OVOL2: variants seen among roughly 807,000 people sequenced by gnomAD.
OVOL2 encodes transcription factor Ovo-like 2.
A neutral mutation model predicts 18.1 loss-of-function variants in OVOL2; 13 were observed. The observed-to-expected ratio is 0.72, with a 90% CI of 0.47 to 1.14. OVOL2 has a LOEUF of 1.14. Among genes scored for constraint, OVOL2 ranks in the 50% most tolerant of loss-of-function variants. The pLI is 0.00. For synonymous variants in OVOL2, 166 were observed against 162.7 expected (o/e 1.02, Z -0.16); for missense variants, 335 against 383.0 (o/e 0.87, Z 1.05).
Position 18,056,517 on chromosome 20 carries a change from T to TGCAGGA in OVOL2, c.321+134_321+139dup. On this transcript the variant is annotated intron_variant, in intron 2 of 3. Coordinates refer to ENST00000278780, the MANE Select transcript of OVOL2 (RefSeq NM_021220.4). The surrounding 1 kb of genome is among the most constrained non-coding windows in gnomAD (Gnocchi z 4.2). ...GCCCTGGCCGCCGCCCAGGGGCAGGTGCAGGAGCGGCGCGGCGGGCGCGCT... is the reference window on the plus strand; with the variant it reads ...GCCCTGGCCGCCGCCCAGGGGCAGGTGCAGGAGCAGGAGCGGCGCGGCGGGCGCGCT... 1 of 1,008,466 alleles carries TGCAGGA rather than the reference T, an allele frequency of 9.9e-7. No individual in the cohort carries two copies. The highest frequency in any genetic ancestry group is 1.2e-6 in the Non-Finnish European group (1 of 845,540). 62.5% of individuals were successfully genotyped at this position (1,008,466 alleles called of 1,614,324 possible).
chr20:18,033,442 G>A (rs933247650), intron 3 of OVOL2, among the ~76,000 whole-genome samples: 3 of 152,168 alleles, frequency 2.0e-5, no homozygotes, highest in African/African-American at 2.4e-5. Flanking sequence ...CCTGGGCCAC[G>A]TGGCTCCCTG....
At chr20:18,036,183 C>T (rs1049264952) in intron 3 of OVOL2, among the ~76,000 whole-genome samples, 3 of 152,012 alleles carry the variant, frequency 2.0e-5, no homozygotes, top group African/African-American at 7.2e-5. Flanking sequence ...ATCCCAGCTA[C>T]TCAGGAGGCT....
intron 3 of OVOL2, among the ~76,000 whole-genome samples, chr20:18,039,619 A>G (rs975529603): frequency 1.5e-5 from 2 of 136,498 alleles, no homozygotes; most frequent in Non-Finnish European, 3.1e-5. Flanking sequence ...AAAAAAAAAA[A>G]AAAGAAAGAA....
intron 2 of OVOL2, among the ~76,000 whole-genome samples, chr20:18,055,008 A>C (rs1278010593): frequency 6.6e-6 from 1 of 152,220 alleles, no homozygotes; most frequent in African/African-American, 2.4e-5. Context: ...GGGAACCTAA[A>C]CATCCCCAGT....
Position 18,056,934 on chromosome 20 carries a change from G to A in OVOL2, c.101-57C>T. On this transcript the variant is annotated intron_variant, in intron 1 of 3. Coordinates refer to ENST00000278780, the MANE Select transcript of OVOL2 (RefSeq NM_021220.4). This position sits in a 1 kb window ranked among gnomAD's most constrained non-coding sequence, Gnocchi z 4.2. ...ACACTCGGCGTCAACCCGCACGCCC[G>A]CGGCAGTTTGACCTGCGGGCGGTGC... The A allele has an allele frequency of 1.4e-6, 2 of 1,420,064 alleles. No homozygotes were observed. Among genetic ancestry groups the A allele is most frequent in the African/African-American group, 3.0e-5 (2 of 66,590 alleles). The allele number at this position is 1,420,064 out of a possible 1,614,324, so 88.0% of individuals were successfully genotyped here. A position where few individuals can be genotyped will look rare whatever the true frequency, so the allele number is the denominator to read the frequency against.
At chr20:18,027,399 A>G (rs1158655479) in intron 3 of OVOL2, among the ~76,000 whole-genome samples, 1 of 151,902 alleles carries the variant, frequency 6.6e-6, no homozygotes, top group Non-Finnish European at 1.5e-5. Flanking sequence ...ATCATGGCAC[A>G]TGCCTGTAAT....
intron 3 of OVOL2, among the ~76,000 whole-genome samples, chr20:18,040,072 G>A (rs1051952349): frequency 1.3e-5 from 2 of 152,018 alleles, no homozygotes; most frequent in Non-Finnish European, 2.9e-5. Flanking sequence ...CTATAGGCAC[G>A]CACCACCACG....
At chr20:18,042,266 C>A (rs1336801575) in intron 2 of OVOL2, among the ~76,000 whole-genome samples, 6 of 152,082 alleles carry the variant, frequency 3.9e-5, no homozygotes, top group Admixed American at 3.3e-4. Context: ...CCTCTGACTT[C>A]TAGCTGGGCA....
At position 18,056,556 on chromosome 20, in the gene OVOL2, C is replaced by T; in HGVS notation, c.321+101G>A. ...GGCGGGCGCGCTCGGGGCGCGGGTG[C>T]CGGGTTGCGCAGGCGGGCGCGGCAG... is the stretch of plus-strand genomic sequence containing the variant. On this transcript the variant is annotated intron_variant, in intron 2 of 3. Transcript: ENST00000278780. This position sits in a 1 kb window ranked among gnomAD's most constrained non-coding sequence, Gnocchi z 4.2. The T allele has an allele frequency of 1.7e-6, 2 of 1,178,062 alleles. No homozygotes were observed. The highest frequency in any genetic ancestry group is 1.0e-6 in the Non-Finnish European group (1 of 952,976). The allele number at this position is 1,178,062 out of a possible 1,614,324, so 73.0% of individuals were successfully genotyped here.
At chr20:18,054,707 ACT>A (rs1269642116) in intron 2 of OVOL2, among the ~76,000 whole-genome samples, 1 of 149,020 alleles carries the variant, frequency 6.7e-6, no homozygotes, top group African/African-American at 2.5e-5. Context: ...CAGCCATTGC[ACT>A]CAGCTAAGAT....
intron 2 of OVOL2, among the ~76,000 whole-genome samples, chr20:18,046,279 G>A (rs907663795): frequency 6.6e-6 from 1 of 152,194 alleles, no homozygotes; most frequent in East Asian, 1.9e-4. Flanking sequence ...AATAGCAAAG[G>A]ACTGGAAACT....
rs76098630 is a variant in OVOL2, at chr20:18,037,505, G to A, written c.511+4029C>T. Among the ~76,000 whole-genome samples, 1,056 of 152,328 alleles carry A rather than the reference G, an allele frequency of 6.9e-3. 13 individuals are homozygous for A. The highest frequency in any genetic ancestry group is 0.023 in the African/African-American group (961 of 41,576). ...TCTGAAGGGTCCCCTAGTCTCTGCC[G>A]AGCCACCCTCCTCACTTGCTAAATC... is the stretch of plus-strand genomic sequence containing the variant. On this transcript the variant is annotated intron_variant, in intron 3 of 3. Coordinates refer to ENST00000278780, the MANE Select transcript of OVOL2 (RefSeq NM_021220.4).
chr20:18,044,006 C>T (rs538819815), intron 2 of OVOL2, among the ~76,000 whole-genome samples: 1 of 152,266 alleles, frequency 6.6e-6, no homozygotes, highest in East Asian at 1.9e-4. Context: ...CTGGGTATTG[C>T]CCTCCCAGGA....
intron 2 of OVOL2, among the ~76,000 whole-genome samples, chr20:18,048,775 C>T (rs1241725806): frequency 6.6e-6 from 1 of 152,122 alleles, no homozygotes. Flanking sequence ...TCTCCTATCT[C>T]CCGTGACAGT....
At chr20:18,037,115 G>A (rs1568634371) in intron 3 of OVOL2, among the ~76,000 whole-genome samples, 2 of 134,954 alleles carry the variant, frequency 1.5e-5, no homozygotes, top group South Asian at 2.2e-4. Flanking sequence ...CAGCCTGGGC[G>A]ACAGAGCGAG....
chr20:18,032,270 GAGAA>G lies in OVOL2; in HGVS notation c.512-7322_512-7319del, dbSNP rs1245634438. On this transcript the variant is annotated intron_variant, in intron 3 of 3. Coordinates refer to ENST00000278780, the MANE Select transcript of OVOL2 (RefSeq NM_021220.4). ...GAAGGAAAGAAGAGAGGGAAAGAAA[GAGAA>G]AGAAAGAAAGGAAAGGAAAGGAAGG... Among the ~76,000 whole-genome samples the G allele has an allele frequency of 1.6e-4, 23 of 146,820 alleles. No homozygotes were observed. In the South Asian group the frequency reaches 2.4e-3, roughly 15 times the overall value.
intron 3 of OVOL2, among the ~76,000 whole-genome samples, chr20:18,035,341 C>T (rs990965962): frequency 3.5e-4 from 53 of 152,322 alleles, no homozygotes; most frequent in African/African-American, 1.3e-3. Flanking sequence ...ATCCCAGCTA[C>T]AGCTACCTGG....
intron 2 of OVOL2, among the ~76,000 whole-genome samples, chr20:18,055,167 G>A (rs1370959632): frequency 6.6e-6 from 1 of 152,032 alleles, no homozygotes; most frequent in African/African-American, 2.4e-5. Context: ...GGATTCCAAC[G>A]GCCCTGTGTG....
chr20:18,044,587 T>C (rs1309915858), intron 2 of OVOL2, among the ~76,000 whole-genome samples: 1 of 152,148 alleles, frequency 6.6e-6, no homozygotes, highest in Non-Finnish European at 1.5e-5. Flanking sequence ...CCCTGATCTG[T>C]GACAAGCCCT....
Sources: gnomAD v4.1 joint callset for allele counts (sites outside exome capture counted in the v4.1 genomes callset) on GRCh38, gnomAD v4.1.1 for gene constraint, Gnocchi (gnomAD v3.1) non-coding constraint, MANE v1.5 for transcripts, NCBI Gene and HGNC (gene_info 2026-07-23, HGNC 2026-07-21) for gene names.